The following STON2 variants were observed in gnomAD, a reference collection of about 807,000 sequenced individuals.
STON2 encodes the protein stonin-2.
STON2 carries 29 observed loss-of-function variants against 65.7 expected under a neutral mutation model. That is an observed-to-expected ratio of 0.44 (90% confidence interval 0.33 to 0.60). STON2 has a LOEUF of 0.60. Among genes scored for constraint, STON2 ranks in the 20% least tolerant of loss-of-function variants. STON2 has a pLI of 0.03. For synonymous variants in STON2, 404 were observed against 414.2 expected (o/e 0.98, Z 0.30); for missense variants, 1,054 against 1,118.1 (o/e 0.94, Z 0.82).
intron 5 of STON2, among the ~76,000 whole-genome samples, chr14:81,293,588 G>T (rs1046245395): frequency 6.6e-6 from 1 of 152,134 alleles, no homozygotes; most frequent in African/African-American, 2.4e-5. Context: ...CTCCCACTCC[G>T]ACTCTGAGCT....
intron 5 of STON2, among the ~76,000 whole-genome samples, chr14:81,294,984 T>C (rs1413729156): frequency 6.6e-6 from 1 of 152,218 alleles, no homozygotes; most frequent in Admixed American, 6.5e-5. Flanking sequence ...GCATTCCTCA[T>C]GCTGTTTAAG....
At chr14:81,310,652 A>C (rs1202540435) in intron 5 of STON2, among the ~76,000 whole-genome samples, 3 of 152,168 alleles carry the variant, frequency 2.0e-5, no homozygotes, top group Non-Finnish European at 4.4e-5. Context: ...TTATATACAC[A>C]TCTCATTTAA....
intron 4 of STON2, among the ~76,000 whole-genome samples, chr14:81,357,675 T>C (rs762759687): frequency 1.3e-5 from 2 of 152,154 alleles, no homozygotes; most frequent in Non-Finnish European, 2.9e-5. Context: ...TAAGAAAATG[T>C]GGCACATATA....
intron 5 of STON2, among the ~76,000 whole-genome samples, chr14:81,292,585 C>T (rs1297040568): frequency 6.6e-6 from 1 of 152,142 alleles, no homozygotes; most frequent in Non-Finnish European, 1.5e-5. Flanking sequence ...CTTCCTGCCA[C>T]CATGTGAAGA....
intron 2 of STON2, among the ~76,000 whole-genome samples, chr14:81,420,905 C>T (rs1901672496): frequency 6.6e-6 from 1 of 152,154 alleles, no homozygotes; most frequent in Admixed American, 6.5e-5. Flanking sequence ...CAAACCTGCC[C>T]CTCCCTAACC....
rs981676834 is a variant in STON2 at position 81,348,299 on chromosome 14, A to G, written c.571+22689T>C. On this transcript the variant is annotated intron_variant, in intron 4 of 7. Coordinates refer to ENST00000614646, the MANE Select transcript of STON2 (RefSeq NM_001394390.1). ...AAGAGAAAGACATAAAAAGCATCCC[A>G]ATTTGAAAAGAGGAAGTAAAATTGT... 3.9e-5 allele frequency among the ~76,000 whole-genome samples: 6 copies of G among 152,178 alleles called. No homozygotes were observed. The South Asian group carries it at 1.2e-3, about 31-fold the overall frequency.
In STON2 at chr14:81,281,895, A is replaced by T. The variant is rs182242605; in HGVS notation, c.743-3156T>A. Among the ~76,000 whole-genome samples, 1,096 of 152,318 alleles carry T rather than the reference A, an allele frequency of 7.2e-3. 6 individuals are homozygous for T. The highest frequency in any genetic ancestry group is 0.013 in the Admixed American group (201 of 15,300). On this transcript the variant is annotated intron_variant, in intron 5 of 7. Coordinates refer to ENST00000614646, the MANE Select transcript of STON2 (RefSeq NM_001394390.1). ...TTCTGACAGTCATTAAAAAATATCA[A>T]AAGACTTTGTTACAAAATTATCTTC...
chr14:81,332,054 C>T (rs868762329), intron 4 of STON2, among the ~76,000 whole-genome samples: 73 of 152,284 alleles, frequency 4.8e-4, no homozygotes, highest in Middle Eastern at 6.8e-3. Context: ...AGAATAGGCA[C>T]TTGGACTTCT....
chr14:81,272,560 T>C (rs1261722123), intron 6 of STON2, among the ~76,000 whole-genome samples: 2 of 152,210 alleles, frequency 1.3e-5, no homozygotes, highest in Non-Finnish European at 2.9e-5. Flanking sequence ...AAACATTAGA[T>C]AGTGAAGTAT....
intron 1 of STON2, chr14:81,427,278 C>T (rs140465132): frequency 6.6e-6 from 1 of 152,280 alleles, no homozygotes; most frequent in Non-Finnish European, 1.5e-5. Context: ...ATAGCCAGGA[C>T]CCACCTCTGC....
intron 3 of STON2, among the ~76,000 whole-genome samples, chr14:81,391,014 C>T (rs937495764): frequency 8.5e-5 from 13 of 152,226 alleles, no homozygotes; most frequent in Admixed American, 5.9e-4. Context: ...TCTGTGTAAG[C>T]AAAATCGCCC....
At chr14:81,316,771 A>G (rs542365572) in intron 5 of STON2, among the ~76,000 whole-genome samples, 1 of 152,370 alleles carries the variant, frequency 6.6e-6, no homozygotes, top group South Asian at 2.1e-4. Flanking sequence ...CTGTAATACC[A>G]GCACTTTGGG....
chr14:81,315,519 C>A (rs2140226710), intron 5 of STON2, among the ~76,000 whole-genome samples: 1 of 7,348 alleles, frequency 1.4e-4, no homozygotes, highest in East Asian at 1.2e-3. Flanking sequence ...AGGCAGGTGA[C>A]GATACTGGCA....
At chr14:81,404,143 A>G (rs375621715), upstream of STON2, among the ~76,000 whole-genome samples, 16 of 152,224 alleles carry the variant, frequency 1.1e-4, no homozygotes, top group African/African-American at 3.6e-4. Context: ...TAATTTAAAC[A>G]CTATGTGTAA....
At chr14:81,319,278 C>T (rs1022846113) in intron 5 of STON2, among the ~76,000 whole-genome samples, 1 of 152,056 alleles carries the variant, frequency 6.6e-6, no homozygotes, top group Non-Finnish European at 1.5e-5. Context: ...ATACTGCTTG[C>T]TTTGTTTTCT....
chr14:81,426,660 C>T (rs545246126), intron 2 of STON2, among the ~76,000 whole-genome samples: 3 of 152,346 alleles, frequency 2.0e-5, no homozygotes, highest in African/African-American at 7.2e-5. Flanking sequence ...TCTACCCCTC[C>T]AGTCCCCCTC....
intron 4 of STON2, among the ~76,000 whole-genome samples, chr14:81,340,148 C>T (rs1214892710): frequency 2.6e-5 from 4 of 152,218 alleles, no homozygotes; most frequent in African/African-American, 7.2e-5. Flanking sequence ...AGCGAGACTC[C>T]GTCTCAAAAT....
At chr14:81,328,958 A>C (rs920816671) in intron 4 of STON2, among the ~76,000 whole-genome samples, 4 of 152,176 alleles carry the variant, frequency 2.6e-5, no homozygotes, top group Admixed American at 2.6e-4. Context: ...AAGAACCATG[A>C]GCCAAATATC....
chr14:81,343,324 C>A (rs867323508), intron 4 of STON2, among the ~76,000 whole-genome samples: 1 of 152,198 alleles, frequency 6.6e-6, no homozygotes, highest in South Asian at 2.1e-4. Flanking sequence ...CTGGCTCAAA[C>A]TAACAATGTG....
Sources: allele counts gnomAD v4.1 joint callset (sites outside exome capture counted in the v4.1 genomes callset), GRCh38; gene constraint gnomAD v4.1.1; transcripts MANE v1.5; gene names NCBI Gene and HGNC (gene_info 2026-07-23, HGNC 2026-07-21).